The following CC2D2A variants were observed in gnomAD, a reference collection of about 807,000 sequenced individuals.
The protein encoded by CC2D2A is coiled-coil and C2 domain-containing protein 2A.
In CC2D2A, 155 loss-of-function variants were observed where a neutral mutation model predicts 212.9. That is an observed-to-expected ratio of 0.73 (90% CI 0.64 to 0.83). The LOEUF is 0.83. CC2D2A is among the 40% of genes least tolerant of loss of function. The pLI is 0.00. For synonymous variants in CC2D2A, 667 were observed against 686.5 expected, an observed-to-expected ratio of 0.97 and a Z score of 0.44; for missense variants, 1,856 against 1,956.2, an observed-to-expected ratio of 0.95 and a Z score of 0.97.
At chr4:15,568,909 C>G (rs1577383954) in intron 26 of CC2D2A, among the ~76,000 whole-genome samples, 1 of 152,096 alleles carries the variant, frequency 6.6e-6, no homozygotes, top group African/African-American at 2.4e-5. Context: ...GGAGAAGCAC[C>G]CTTCTGGGGC....
chr4:15,513,095 A>C (rs992927332), intron 8 of CC2D2A, among the ~76,000 whole-genome samples: 1 of 152,224 alleles, frequency 6.6e-6, no homozygotes, highest in African/African-American at 2.4e-5. Context: ...TCCCTTGAAA[A>C]ATGCCTCCCG....
Position 15,536,934 on chromosome 4 carries a change from A to G in CC2D2A, c.1622A>G (p.Gln541Arg), listed in dbSNP as rs764371197. ...KLVLRKEKADQKADEEAYEAE... is the reference protein window; with the variant it reads ...KLVLRKEKADRKADEEAYEAE... ...TTATTTTAAAGGGAAAAAGCTGACC[A>G]GAAAGCAGATGAAGAAGCATATGAA... The change falls in exon 15 of 37, where the codon CAG becomes CGG. Residue 541 changes from glutamine to arginine, a missense_variant. Physicochemically the swap from Gln to Arg is conservative, Grantham distance 43. Transcript: ENST00000424120. The G allele has an allele frequency of 6.2e-7, 1 of 1,613,774 alleles. No individual in the cohort carries two copies. The highest frequency in any genetic ancestry group is 8.5e-7 in the Non-Finnish European group (1 of 1,179,746).
At chr4:15,516,944 C>CTTTTTTTTTT (rs397992357) in intron 11 of CC2D2A, among the ~76,000 whole-genome samples, 188 bp downstream of exon 11, 1 of 95,792 alleles carries the variant, frequency 1.0e-5, no homozygotes, top group Non-Finnish European at 2.0e-5. Context: ...TGCATCCCTT[C>CTTTTTTTTTT]TTTTTTTTTT....
At chr4:15,471,682 C>G (rs1266648768) in intron 1 of CC2D2A, among the ~76,000 whole-genome samples, 1 of 150,518 alleles carries the variant, frequency 6.6e-6, no homozygotes. Flanking sequence ...CAAGATCACA[C>G]AGCTAATAAA....
At chr4:15,493,265 T>C (rs113072976) in intron 4 of CC2D2A, among the ~76,000 whole-genome samples, 4 of 133,750 alleles carry the variant, frequency 3.0e-5, no homozygotes, top group African/African-American at 1.5e-4. Context: ...TATTTATTTA[T>C]TTATTTACTT....
intron 1 of CC2D2A, among the ~76,000 whole-genome samples, chr4:15,471,069 C>T (rs1713781706): frequency 6.6e-6 from 1 of 152,050 alleles, no homozygotes; most frequent in Admixed American, 6.6e-5. Context: ...TACATTATAT[C>T]GAGCTGATTA....
At chr4:15,556,135 A>C (rs1306020559) in intron 20 of CC2D2A, among the ~76,000 whole-genome samples, 3 of 152,190 alleles carry the variant, frequency 2.0e-5, no homozygotes, top group Non-Finnish European at 4.4e-5. Flanking sequence ...ACATTAGTTT[A>C]TTTTTCTTGG....
chr4:15,530,058 G>A (rs868402555), intron 13 of CC2D2A, among the ~76,000 whole-genome samples: 1 of 151,456 alleles, frequency 6.6e-6, no homozygotes, highest in East Asian at 1.9e-4. Flanking sequence ...TGCAAGCTCC[G>A]CCTCCCGGGT....
chr4:15,484,990 A>G (rs1359333880), intron 4 of CC2D2A, among the ~76,000 whole-genome samples: 2 of 152,150 alleles, frequency 1.3e-5, no homozygotes, highest in African/African-American at 2.4e-5. Flanking sequence ...GCATTTTCCA[A>G]TCAGCTGACT....
At chr4:15,472,803 A>G (rs1713924504) in intron 1 of CC2D2A, among the ~76,000 whole-genome samples, 1 of 151,804 alleles carries the variant, frequency 6.6e-6, no homozygotes, top group Non-Finnish European at 1.5e-5. Flanking sequence ...TCCTTCCTCT[A>G]TTTTTTGTAC....
intron 17 of CC2D2A, among the ~76,000 whole-genome samples, chr4:15,545,130 T>C (rs1488736156): frequency 6.6e-6 from 1 of 152,190 alleles, no homozygotes; most frequent in Non-Finnish European, 1.5e-5. Context: ...CTAGTCATAG[T>C]AAGTACTCTG....
Position 15,527,522 on chromosome 4 carries a change from G to T in CC2D2A, c.1225G>T (p.Asp409Tyr), listed in dbSNP as rs1717574441. The change falls in exon 12 of 37, where the codon GAT becomes TAT. Residue 409 changes from aspartate (D) to tyrosine (Y), a missense_variant. This residue lies in a region of CC2D2A where 1,512 missense variants were observed against 1,579.3 expected (regional missense o/e 0.96). Transcript: ENST00000424120. ...TCCTGGAAATTTCCAACTGGACATT[G>T]ATATTTCAGGGTTAATCTTCACTCA... is the stretch of plus-strand genomic sequence containing the variant. ...DPPGNFQLDI[D>Y]ISGLIFTHHP... 2 of 1,613,458 alleles carry T rather than the reference G, an allele frequency of 1.2e-6. No individual in the cohort carries two copies. Among genetic ancestry groups the T allele is most frequent in the Non-Finnish European group, 1.7e-6 (2 of 1,179,676 alleles).
At chr4:15,587,367 C>G (rs1439994536) in intron 31 of CC2D2A, among the ~76,000 whole-genome samples, 2 of 152,134 alleles carry the variant, frequency 1.3e-5, no homozygotes, top group African/African-American at 4.8e-5. Flanking sequence ...GACTGGGGAC[C>G]CTTGCTCTAG....
chr4:15,601,167 C>T (rs568790925), intron 36 of CC2D2A, 70 bp from the exon 37 acceptor site: 8 of 1,258,000 alleles, frequency 6.4e-6, no homozygotes, highest in African/African-American at 1.5e-5. Flanking sequence ...TAATTGCATA[C>T]ATTTACGTAG....
intron 12 of CC2D2A, among the ~76,000 whole-genome samples, 164 bp from the exon 13 acceptor site, chr4:15,528,456 C>A (rs1384943459): frequency 6.6e-6 from 1 of 152,210 alleles, no homozygotes; most frequent in African/African-American, 2.4e-5. Flanking sequence ...AGTTCTCCAT[C>A]ATAATTCATT....
chr4:15,509,980 T>G (rs1577335480), intron 6 of CC2D2A, among the ~76,000 whole-genome samples, 159 bp from the exon 7 acceptor site: 2 of 152,242 alleles, frequency 1.3e-5, no homozygotes, highest in East Asian at 3.9e-4. Context: ...AGCGCATGAC[T>G]GCATTTGAAA....
intron 6 of CC2D2A, among the ~76,000 whole-genome samples, chr4:15,504,279 A>G (rs1347107024): frequency 6.6e-6 from 1 of 152,138 alleles, no homozygotes; most frequent in Non-Finnish European, 1.5e-5. Flanking sequence ...TGGCTTTATG[A>G]CTATTTGTTA....
chr4:15,535,681 T>C (rs1424739075), intron 14 of CC2D2A, among the ~76,000 whole-genome samples: 1 of 152,164 alleles, frequency 6.6e-6, no homozygotes, highest in East Asian at 1.9e-4. Context: ...CAAAGTGACT[T>C]ATTTGGTAGT....
chr4:15,600,458 T>C (rs1406284170), intron 36 of CC2D2A, among the ~76,000 whole-genome samples: 3 of 152,214 alleles, frequency 2.0e-5, no homozygotes, highest in African/African-American at 7.2e-5. Context: ...AAGCAAATGC[T>C]GGAACACTTA....
Sources: allele counts gnomAD v4.1 joint callset (sites outside exome capture counted in the v4.1 genomes callset), GRCh38; gene constraint gnomAD v4.1.1; regional missense constraint gnomAD v4.1.1; transcripts MANE v1.5; gene names NCBI Gene and HGNC (gene_info 2026-07-23, HGNC 2026-07-21).